KIF26B: variants seen among roughly 807,000 people sequenced by gnomAD.
KIF26B encodes kinesin family member 26B.
Under a neutral mutation model 151.2 loss-of-function variants are expected in KIF26B, and 63 were observed. That is an observed-to-expected ratio of 0.42 (90% CI 0.34 to 0.51). KIF26B has a LOEUF of 0.51. Ranked by LOEUF, KIF26B falls within the 20% of genes least tolerant of loss-of-function variation. KIF26B has a pLI of 0.07. For missense variants in KIF26B, 2,813 were observed against 2,913.6 expected (o/e 0.97, Z 0.79); for synonymous variants, 1,357 against 1,262.1 (o/e 1.08, Z -1.59).
At chr1:245,596,523 A>T (rs1330974588) in intron 5 of KIF26B, among the ~76,000 whole-genome samples, 1 of 152,048 alleles carries the variant, frequency 6.6e-6, no homozygotes, top group Non-Finnish European at 1.5e-5. Flanking sequence ...GGTCTGAGAG[A>T]CTGTTTGTTA....
rs1209917163 is a variant in KIF26B at position 245,704,040 on chromosome 1, A to ATGAT, written c.*1435_*1438dup. 8.0e-5 allele frequency: 11 copies of ATGAT among 138,080 alleles called. No individual in the cohort carries two copies. Among genetic ancestry groups the ATGAT allele is most frequent in the African/African-American group, 3.3e-4 (11 of 33,756 alleles). The allele number at this position is 138,080 out of a possible 1,614,324, so 8.6% of individuals were successfully genotyped here. A position where few individuals can be genotyped will look rare whatever the true frequency, so the allele number is the denominator to read the frequency against. The stretch of plus-strand genomic sequence containing the variant: ...CCCTATAACAATTCCCTTAGGAATT[A>ATGAT]TGATACCCATTTTAGTGATTGATAG... On this transcript the variant is annotated 3_prime_UTR_variant, in exon 15 of 15. Transcript: ENST00000407071.
intron 2 of KIF26B, among the ~76,000 whole-genome samples, chr1:245,201,972 A>G (rs571516708): frequency 6.6e-6 from 1 of 152,158 alleles, no homozygotes; most frequent in Non-Finnish European, 1.5e-5. Context: ...TTTATAAGTC[A>G]GCCTGAATAT....
At chr1:245,535,453 C>T (rs772720548) in intron 4 of KIF26B, among the ~76,000 whole-genome samples, 3 of 152,134 alleles carry the variant, frequency 2.0e-5, no homozygotes, top group Non-Finnish European at 4.4e-5. Flanking sequence ...TTGAAGCCAA[C>T]GGAGGCTTTC....
rs924901571 is a variant in KIF26B, at chr1:245,348,071, C to T, written c.466-18763C>T. 5.9e-5 allele frequency among the ~76,000 whole-genome samples: 9 copies of T among 152,288 alleles called. No homozygotes were observed. In the East Asian group the frequency reaches 7.7e-4, roughly 13 times the overall value. ...ACTTGATCTATCTGCAGCATTTGCC[C>T]GTAGATCATTCCCTCCTTCCTGGAT... On this transcript the variant is annotated intron_variant, in intron 2 of 14. Coordinates refer to ENST00000407071, the MANE Select transcript of KIF26B (RefSeq NM_018012.4).
chr1:245,408,879 C>T (rs1340572540), intron 3 of KIF26B, among the ~76,000 whole-genome samples: 1 of 152,158 alleles, frequency 6.6e-6, no homozygotes, highest in East Asian at 1.9e-4. Flanking sequence ...GTGCCTGCTT[C>T]ACAGGGTTGT....
At chr1:245,368,964 G>A (rs1028052636) in intron 3 of KIF26B, among the ~76,000 whole-genome samples, 3 of 151,184 alleles carry the variant, frequency 2.0e-5, no homozygotes, top group Non-Finnish European at 2.9e-5. Flanking sequence ...GCGAAAACCC[G>A]TCTCTATTAA....
intron 2 of KIF26B, among the ~76,000 whole-genome samples, chr1:245,172,947 T>C (rs1224449337): frequency 6.6e-6 from 1 of 152,258 alleles, no homozygotes; most frequent in African/African-American, 2.4e-5. Context: ...AGCAGTACGA[T>C]AGCCATGTTC....
At chr1:245,203,692 T>C (rs1206024578) in intron 2 of KIF26B, among the ~76,000 whole-genome samples, 2 of 152,240 alleles carry the variant, frequency 1.3e-5, no homozygotes, top group Admixed American at 6.5e-5. Flanking sequence ...TTTGATGCGC[T>C]TCCTCTCCCT....
chr1:245,602,894 C>A lies in KIF26B; in HGVS notation c.1557+111C>A, dbSNP rs1302198478. The A allele has an allele frequency of 7.4e-6, 7 of 944,756 alleles. No homozygotes were observed. In the African/African-American group the frequency reaches 8.1e-5, roughly 11 times the overall value. 58.5% of individuals were successfully genotyped at this position (944,756 alleles called of 1,614,324 possible). A position where few individuals can be genotyped will look rare whatever the true frequency, so the allele number is the denominator to read the frequency against. ...GTGTCTTCTGGAGCATTCTGATGGACCAGTTCCTTCAGGAGTCAATCTGAG... is the reference window on the plus strand; with the variant it reads ...GTGTCTTCTGGAGCATTCTGATGGAACAGTTCCTTCAGGAGTCAATCTGAG... On this transcript the variant is annotated intron_variant, in intron 6 of 14. Transcript: ENST00000407071. The surrounding 1 kb of genome is among the most constrained non-coding windows in gnomAD (Gnocchi z 4.5).
In KIF26B at chr1:245,225,572, GT is replaced by G. The variant is rs1338313345; in HGVS notation, c.465+68890del. ...GTTGGGAGTCAGTGACTCCTTTTCT[GT>G]GGGGCTACCCTCACCCATCCACATT... On this transcript the variant is annotated intron_variant, in intron 2 of 14. Transcript: ENST00000407071. Among the ~76,000 whole-genome samples, 7 of 152,334 alleles carry G rather than the reference GT, an allele frequency of 4.6e-5. No homozygotes were observed. In the East Asian group the frequency reaches 1.3e-3, roughly 29 times the overall value.
At chr1:245,443,659 C>T (rs1398013317) in intron 4 of KIF26B, among the ~76,000 whole-genome samples, 1 of 104,034 alleles carries the variant, frequency 9.6e-6, no homozygotes, top group African/African-American at 3.1e-5. Flanking sequence ...CACTGTTCAC[C>T]TAGAGGAGAG....
At chr1:245,700,969 CATTTT>C (rs760376559) in intron 14 of KIF26B, among the ~76,000 whole-genome samples, 67 of 152,172 alleles carry the variant, frequency 4.4e-4, no homozygotes, top group Non-Finnish European at 6.9e-4. Flanking sequence ...TTTTCATTAA[CATTTT>C]ATTTTCAAGA....
intron 4 of KIF26B, among the ~76,000 whole-genome samples, chr1:245,447,279 T>C (rs1659269643): frequency 6.6e-6 from 1 of 152,218 alleles, no homozygotes; most frequent in South Asian, 2.1e-4. Flanking sequence ...GGTAATGGTC[T>C]AGTCTTAATG....
At chr1:245,505,234 C>T (rs1159064633) in intron 4 of KIF26B, among the ~76,000 whole-genome samples, 2 of 103,564 alleles carry the variant, frequency 1.9e-5, no homozygotes, top group Admixed American at 2.4e-4. Flanking sequence ...CACTGCGCCT[C>T]GCCTATTTTT....
rs1037478191 is a variant in KIF26B at position 245,540,715 on chromosome 1, C to T, written c.1167-52C>T. 1 of 1,494,250 alleles carries T rather than the reference C, an allele frequency of 6.7e-7. No individual in the cohort carries two copies. Among genetic ancestry groups the T allele is most frequent in the Non-Finnish European group, 9.3e-7 (1 of 1,070,738 alleles). 92.6% of individuals were successfully genotyped at this position (1,494,250 alleles called of 1,614,324 possible). A position where few individuals can be genotyped will look rare whatever the true frequency, so the allele number is the denominator to read the frequency against. On this transcript the variant is annotated intron_variant, in intron 4 of 14. Transcript: ENST00000407071. This position sits in a 1 kb window ranked among gnomAD's most constrained non-coding sequence, Gnocchi z 4.6. ...TTAAGAGAAAACGAAGTAAGCCTAG[C>T]AGATCTGATCGTACAATCATTTTCC... is the stretch of plus-strand genomic sequence containing the variant.
chr1:245,210,436 G>A (rs905832678), intron 2 of KIF26B, among the ~76,000 whole-genome samples: 7 of 151,144 alleles, frequency 4.6e-5, no homozygotes, highest in Admixed American at 6.6e-5. Context: ...GTTGTTCTGC[G>A]ATGTGGTGTT....
chr1:245,209,128 A>G (rs1408603163), intron 2 of KIF26B, among the ~76,000 whole-genome samples: 1 of 152,236 alleles, frequency 6.6e-6, no homozygotes, highest in Non-Finnish European at 1.5e-5. Flanking sequence ...GGCCAGGCGC[A>G]GTGGCTCACG....
chr1:245,322,270 A>G (rs1671902052), intron 2 of KIF26B, among the ~76,000 whole-genome samples: 1 of 152,186 alleles, frequency 6.6e-6, no homozygotes, highest in Non-Finnish European at 1.5e-5. Context: ...TACCTAATGC[A>G]TGCGGGGCTT....
chr1:245,586,195 G>GTT (rs2043222552), intron 5 of KIF26B, among the ~76,000 whole-genome samples: 2 of 137,502 alleles, frequency 1.5e-5, no homozygotes, highest in South Asian at 2.3e-4. Context: ...GTGTGTGTGT[G>GTT]TGTTTGTTTT....
Sources: allele counts gnomAD v4.1 joint callset (sites outside exome capture counted in the v4.1 genomes callset), GRCh38; gene constraint gnomAD v4.1.1; non-coding constraint Gnocchi (gnomAD v3.1); transcripts MANE v1.5; gene names NCBI Gene and HGNC (gene_info 2026-07-23, HGNC 2026-07-21).